Variants in TMEM117 observed in about 807,000 individuals in gnomAD.
TMEM117 encodes transmembrane protein 117.
TMEM117 carries 27 observed loss-of-function variants against 52.4 expected under a neutral mutation model. That is an observed-to-expected ratio of 0.51 (90% CI 0.38 to 0.71). The LOEUF (loss-of-function observed/expected upper bound fraction) is 0.71. Among genes scored for constraint, TMEM117 ranks in the 30% least tolerant of loss-of-function variants. The pLI is 0.00. For missense variants in TMEM117, 556 were observed against 630.5 expected (o/e 0.88, Z 1.26); for synonymous variants, 215 against 206.3 (o/e 1.04, Z -0.36).
At chr12:44,030,350 G>A (rs11182389) in intron 3 of TMEM117, among the ~76,000 whole-genome samples, 5,467 of 152,292 alleles carry the variant, frequency 0.036, 208 homozygotes, top group African/African-American at 0.093. Flanking sequence ...GACATGTGGA[G>A]TTAGCCACGC....
At position 44,105,045 on chromosome 12, in the gene TMEM117, A is replaced by G. The variant is rs138372016; in HGVS notation, c.411-38480A>G. On this transcript the variant is annotated intron_variant, in intron 3 of 7. Transcript: ENST00000266534. The stretch of plus-strand genomic sequence containing the variant: ...TAATTTGGGAAAATTCTCCATCATT[A>G]TTGCTTCATATATTTCTTCTGTTCC... 2.2e-3 allele frequency among the ~76,000 whole-genome samples: 340 copies of G among 151,938 alleles called. 1 individual carries two copies. The highest frequency in any genetic ancestry group is 7.7e-3 in the African/African-American group (320 of 41,470).
intron 3 of TMEM117, among the ~76,000 whole-genome samples, chr12:44,142,542 G>A (rs1203994406): frequency 6.6e-6 from 1 of 152,036 alleles, no homozygotes; most frequent in Non-Finnish European, 1.5e-5. Flanking sequence ...AATTTCAGTA[G>A]ATAAATAATG....
rs901871210 is a variant in TMEM117, at chr12:44,039,440, C to A, written c.410+95098C>A. Among the ~76,000 whole-genome samples, 16 of 150,844 alleles carry A rather than the reference C, an allele frequency of 1.1e-4. No homozygotes were observed. In the South Asian group the frequency reaches 3.1e-3, roughly 29 times the overall value. Reference sequence around the variant, plus strand: ...TAATTATTAGGGCAGGAGTTCCCAACTTTGCTCTTCAGAAACTTTGACAAT... The same window carrying A: ...TAATTATTAGGGCAGGAGTTCCCAAATTTGCTCTTCAGAAACTTTGACAAT... On this transcript the variant is annotated intron_variant, in intron 3 of 7. Coordinates refer to ENST00000266534, the MANE Select transcript of TMEM117 (RefSeq NM_032256.3).
chr12:44,339,356 C>T (rs752433236), intron 6 of TMEM117, among the ~76,000 whole-genome samples: 21 of 151,898 alleles, frequency 1.4e-4, no homozygotes, highest in Non-Finnish European at 2.6e-4. Flanking sequence ...ATGACATGGC[C>T]CTGATTGCAA....
intron 3 of TMEM117, among the ~76,000 whole-genome samples, chr12:44,035,941 G>T (rs1239582483): frequency 2.6e-5 from 4 of 152,180 alleles, no homozygotes; most frequent in Non-Finnish European, 5.9e-5. Context: ...TCAAATGAAA[G>T]ATATGGCAGG....
chr12:43,983,777 C>A (rs1471932025), intron 3 of TMEM117, among the ~76,000 whole-genome samples: 2 of 151,500 alleles, frequency 1.3e-5, no homozygotes, highest in Non-Finnish European at 2.9e-5. Context: ...AACTGAGATA[C>A]AAGGAAGGTA....
At chr12:43,798,176 T>G in the TMEM117 span, among the ~76,000 whole-genome samples, 6 of 152,100 alleles carry the variant, frequency 3.9e-5, no homozygotes, top group African/African-American at 1.4e-4. Flanking sequence ...TAAACAACAA[T>G]CTACATACAA....
intron 4 of TMEM117, among the ~76,000 whole-genome samples, chr12:44,149,368 A>G (rs1948689507): frequency 6.6e-6 from 1 of 152,248 alleles, no homozygotes; most frequent in Admixed American, 6.5e-5. Context: ...ATACCATTAC[A>G]TCAAGGGTCA....
upstream of TMEM117, chr12:43,835,852 A>T (rs886518443): frequency 6.8e-4 from 104 of 151,986 alleles, no homozygotes; most frequent in African/African-American, 2.4e-3. Flanking sequence ...GCGAGAGGGC[A>T]GGGGCGGGGA....
chr12:44,256,800 A>G (rs964031373), intron 5 of TMEM117, among the ~76,000 whole-genome samples: 1 of 151,966 alleles, frequency 6.6e-6, no homozygotes. Context: ...TTGAAGCATC[A>G]TCATTATTTT....
intron 3 of TMEM117, among the ~76,000 whole-genome samples, chr12:43,985,232 A>G (rs776005647): frequency 6.6e-6 from 1 of 152,150 alleles, no homozygotes; most frequent in African/African-American, 2.4e-5. Flanking sequence ...TGGGCTAGAA[A>G]GTTATTTTAA....
rs150533987 is a variant in TMEM117, at chr12:44,116,510, A to G, written c.411-27015A>G. ...TGGAATTTCACCTACTTTTAAAACTACAAACTGCAAACTGCACTTCTAGCC... is the reference window on the plus strand; with the variant it reads ...TGGAATTTCACCTACTTTTAAAACTGCAAACTGCAAACTGCACTTCTAGCC... On this transcript the variant is annotated intron_variant, in intron 3 of 7. Transcript: ENST00000266534. 1.5e-3 allele frequency among the ~76,000 whole-genome samples: 224 copies of G among 152,320 alleles called. 2 individuals carry two copies. Among genetic ancestry groups the G allele is most frequent in the African/African-American group, 5.1e-3 (211 of 41,572 alleles).
intron 3 of TMEM117, among the ~76,000 whole-genome samples, chr12:43,953,385 T>C (rs562831315): frequency 6.6e-6 from 1 of 152,224 alleles, no homozygotes; most frequent in East Asian, 1.9e-4. Context: ...GACCCACCGG[T>C]GTGCTGTCTT....
At chr12:44,295,304 AGTGATTC>A (rs1950754240) in intron 5 of TMEM117, among the ~76,000 whole-genome samples, 1 of 152,118 alleles carries the variant, frequency 6.6e-6, no homozygotes, top group South Asian at 2.1e-4. Context: ...CCTGGGCTCA[AGTGATTC>A]TCCTGCCTCA....
intron 5 of TMEM117, among the ~76,000 whole-genome samples, chr12:44,293,228 A>T (rs1248136629): frequency 2.0e-5 from 3 of 151,958 alleles, no homozygotes. Flanking sequence ...GTCTAATTTG[A>T]ATATATCCAC....
intron 6 of TMEM117, 160 bp from the exon 7 acceptor site, chr12:44,376,435 T>C: frequency 2.4e-6 from 2 of 823,104 alleles, no homozygotes; most frequent in Non-Finnish European, 4.1e-6. Flanking sequence ...TGCTACCTAA[T>C]GTACATAAAA....
At chr12:44,022,376 TGGCCTCATGACTTG>T (rs1425632523) in intron 3 of TMEM117, among the ~76,000 whole-genome samples, 1 of 152,220 alleles carries the variant, frequency 6.6e-6, no homozygotes, top group East Asian at 1.9e-4. Context: ...TTTGAAATTC[TGGCCTCATGACTTG>T]GGCGTCCAAA....
At chr12:44,358,354 T>C (rs983746647) in intron 6 of TMEM117, among the ~76,000 whole-genome samples, 1 of 151,952 alleles carries the variant, frequency 6.6e-6, no homozygotes, top group African/African-American at 2.4e-5. Context: ...TAAAATAAAA[T>C]TGAAAAAAAT....
intron 6 of TMEM117, among the ~76,000 whole-genome samples, chr12:44,361,999 T>C (rs1356619374): frequency 6.6e-6 from 1 of 152,180 alleles, no homozygotes; most frequent in Non-Finnish European, 1.5e-5. Context: ...AAGTAGGTAA[T>C]TGAGCACTTG....
Sources: allele counts gnomAD v4.1 joint callset (sites outside exome capture counted in the v4.1 genomes callset), GRCh38; gene constraint gnomAD v4.1.1; transcripts MANE v1.5; gene names NCBI Gene and HGNC (gene_info 2026-07-23, HGNC 2026-07-21).